SLC25A21: variants seen among roughly 807,000 people sequenced by gnomAD.
SLC25A21 encodes the protein mitochondrial 2-oxodicarboxylate carrier.
In SLC25A21, 47 loss-of-function variants were observed where a neutral mutation model predicts 43.8. The ratio of observed to expected loss-of-function variants is 1.07; its 90% CI spans 0.85 to 1.37. SLC25A21 has a LOEUF of 1.37. Ranked by LOEUF, SLC25A21 falls within the 40% of genes most tolerant of loss-of-function variation. SLC25A21 has a pLI of 0.00. For synonymous variants in SLC25A21, 131 were observed against 121.3 expected (o/e 1.08, Z -0.52); for missense variants, 352 against 350.2 (o/e 1.00, Z -0.04).
At chr14:36,741,753 C>T (rs1317872986) in intron 3 of SLC25A21, among the ~76,000 whole-genome samples, 1 of 152,170 alleles carries the variant, frequency 6.6e-6, no homozygotes, top group African/African-American at 2.4e-5. Flanking sequence ...AAAAACCTGG[C>T]ATTCAGTAAG....
chr14:36,985,818 C>A (rs1960134270), intron 1 of SLC25A21, among the ~76,000 whole-genome samples: 1 of 152,126 alleles, frequency 6.6e-6, no homozygotes, highest in Non-Finnish European at 1.5e-5. Flanking sequence ...TTATTTGTAT[C>A]AGAGAGAACT....
At chr14:37,106,394 C>A (rs761644938) in intron 1 of SLC25A21, among the ~76,000 whole-genome samples, 4 of 152,010 alleles carry the variant, frequency 2.6e-5, no homozygotes, top group Non-Finnish European at 5.9e-5. Flanking sequence ...TAAACGGCTG[C>A]TCTGGGAGTG....
intron 2 of SLC25A21, among the ~76,000 whole-genome samples, chr14:36,843,035 T>G (rs1043526951): frequency 6.6e-6 from 1 of 152,164 alleles, no homozygotes; most frequent in Non-Finnish European, 1.5e-5. Context: ...CAGTTCACAA[T>G]AGGGTTCATG....
In SLC25A21 at chr14:36,874,951, C is replaced by A; in HGVS notation, c.119+5G>T. ...TCAATAAAACTTGTTCATGCAGAAC[C>A]TTACCTGGTTTTCACCACATCTAGG... On this transcript the variant is annotated splice_donor_5th_base_variant and intron_variant, in intron 2 of 9. Coordinates refer to ENST00000331299, the MANE Select transcript of SLC25A21 (RefSeq NM_030631.4). 1 of 1,608,966 alleles carries A rather than the reference C, an allele frequency of 6.2e-7. No individual in the cohort carries two copies. The highest frequency in any genetic ancestry group is 8.5e-7 in the Non-Finnish European group (1 of 1,177,494).
intron 1 of SLC25A21, among the ~76,000 whole-genome samples, chr14:36,972,335 T>C (rs1006848102): frequency 6.6e-6 from 1 of 152,224 alleles, no homozygotes; most frequent in African/African-American, 2.4e-5. Flanking sequence ...AAGCGATTCA[T>C]GACTATATTT....
chr14:37,133,735 T>C (rs1963431295), intron 1 of SLC25A21, among the ~76,000 whole-genome samples: 1 of 152,116 alleles, frequency 6.6e-6, no homozygotes, highest in Admixed American at 6.5e-5. Context: ...ATGCTAAACC[T>C]GTTGTCCCTC....
At chr14:36,877,575 C>T (rs74047034) in intron 1 of SLC25A21, among the ~76,000 whole-genome samples, 4,832 of 152,048 alleles carry the variant, frequency 0.032, 249 homozygotes, top group African/African-American at 0.11. Flanking sequence ...CATATAAGAA[C>T]AAATAGTAAT....
intron 3 of SLC25A21, among the ~76,000 whole-genome samples, chr14:36,772,431 A>C (rs1340480033): frequency 6.6e-6 from 1 of 152,140 alleles, no homozygotes; most frequent in African/African-American, 2.4e-5. Flanking sequence ...TCCAAAGTCT[A>C]TCTCTTCCCA....
chr14:36,820,478 T>A (rs1341196670), intron 2 of SLC25A21, among the ~76,000 whole-genome samples: 2 of 152,180 alleles, frequency 1.3e-5, no homozygotes, highest in Non-Finnish European at 2.9e-5. Flanking sequence ...TAATTCCACC[T>A]TTGTGTCAAA....
chr14:36,996,331 C>T (rs1452746482), intron 1 of SLC25A21, among the ~76,000 whole-genome samples: 1 of 152,052 alleles, frequency 6.6e-6, no homozygotes, highest in East Asian at 1.9e-4. Context: ...CTCACCTGGT[C>T]GGCATTAGAT....
At chr14:36,965,324 A>T (rs1406194167) in intron 1 of SLC25A21, among the ~76,000 whole-genome samples, 2 of 152,150 alleles carry the variant, frequency 1.3e-5, no homozygotes, top group Admixed American at 1.3e-4. Context: ...ACTCCACTAA[A>T]TTTAAAGTCT....
At chr14:37,126,929 A>G (rs1305402789) in intron 1 of SLC25A21, among the ~76,000 whole-genome samples, 1 of 152,156 alleles carries the variant, frequency 6.6e-6, no homozygotes, top group Admixed American at 6.6e-5. Flanking sequence ...CTGTGTTTGG[A>G]AAGAGGACTA....
chr14:36,814,918 C>A (rs1024835180), intron 2 of SLC25A21, among the ~76,000 whole-genome samples: 3 of 152,086 alleles, frequency 2.0e-5, no homozygotes, highest in Admixed American at 6.5e-5. Context: ...TGGAACCAAC[C>A]CAAATGCCCA....
chr14:36,957,006 T>C (rs894733547), intron 1 of SLC25A21, among the ~76,000 whole-genome samples: 3 of 152,210 alleles, frequency 2.0e-5, no homozygotes, highest in African/African-American at 7.2e-5. Context: ...ATATTGTTTT[T>C]CAATGGCACA....
intron 1 of SLC25A21, among the ~76,000 whole-genome samples, chr14:36,997,154 C>T (rs527757154): frequency 5.9e-5 from 9 of 152,166 alleles, no homozygotes; most frequent in Admixed American, 5.2e-4. Flanking sequence ...ATGAGGGATT[C>T]CCCCCGTCAA....
chr14:36,730,125 A>G (rs1298974496), intron 4 of SLC25A21, among the ~76,000 whole-genome samples: 1 of 152,226 alleles, frequency 6.6e-6, no homozygotes, highest in Non-Finnish European at 1.5e-5. Flanking sequence ...CCTGCCATAA[A>G]GCAAGACTGT....
intron 1 of SLC25A21, among the ~76,000 whole-genome samples, chr14:36,893,562 T>G (rs1448145249): frequency 6.6e-6 from 1 of 152,234 alleles, no homozygotes; most frequent in Non-Finnish European, 1.5e-5. Flanking sequence ...ATCCCATTTG[T>G]CAATTTTGGC....
intron 7 of SLC25A21, among the ~76,000 whole-genome samples, chr14:36,707,865 C>G (rs1883646767): frequency 6.6e-6 from 1 of 152,126 alleles, no homozygotes; most frequent in Non-Finnish European, 1.5e-5. Context: ...TTGCTCATGC[C>G]CATAATCCCA....
At chr14:36,731,931 GAA>G (rs1194976579) in intron 4 of SLC25A21, among the ~76,000 whole-genome samples, 1 of 152,114 alleles carries the variant, frequency 6.6e-6, no homozygotes, top group African/African-American at 2.4e-5. Context: ...CCCGGGGCCT[GAA>G]AGTATCCCAA....
Sources: gnomAD v4.1 joint callset for allele counts (sites outside exome capture counted in the v4.1 genomes callset) on GRCh38, gnomAD v4.1.1 for gene constraint, MANE v1.5 for transcripts, NCBI Gene and HGNC (gene_info 2026-07-23, HGNC 2026-07-21) for gene names.